The following RIPOR1 variants were observed in gnomAD, a reference collection of about 807,000 sequenced individuals.
The protein encoded by RIPOR1 is rho family-interacting cell polarization regulator 1.
Under a neutral mutation model 116.5 loss-of-function variants are expected in RIPOR1, and 58 were observed. That is an observed-to-expected ratio of 0.50 (90% CI 0.40 to 0.62). RIPOR1 has a LOEUF of 0.62. Ranked by LOEUF, RIPOR1 falls within the 20% of genes least tolerant of loss-of-function variation. The probability of loss-of-function intolerance (pLI) is 0.00; values close to 1 mark genes in which losing one functional copy is unlikely to be tolerated. For synonymous variants in RIPOR1, 605 were observed against 650.0 expected, an observed-to-expected ratio of 0.93 and a Z score of 1.05; for missense variants, 1,372 against 1,586.2, an observed-to-expected ratio of 0.86 and a Z score of 2.29.
rs2050628379 is a variant in RIPOR1, at chr16:67,530,393, A to G, written c.-24+1479A>G. ...GGCTGTGCCGCTCCCCCTCCCTCCTATACGCTTGGGCAGCTGCGAGATGAC... is the reference window on the plus strand; with the variant it reads ...GGCTGTGCCGCTCCCCCTCCCTCCTGTACGCTTGGGCAGCTGCGAGATGAC... On this transcript the variant is annotated intron_variant, in intron 1 of 21. Coordinates refer to ENST00000042381, the MANE Select transcript of RIPOR1 (RefSeq NM_024519.4). This position sits in a 1 kb window ranked among gnomAD's most constrained non-coding sequence, Gnocchi z 4.5. Among the ~76,000 whole-genome samples the G allele has an allele frequency of 1.3e-5, 2 of 152,074 alleles. No individual in the cohort carries two copies. The highest frequency in any genetic ancestry group is 2.4e-5 in the African/African-American group (1 of 41,412).
At chr16:67,535,195 A>G (rs917600125) in intron 1 of RIPOR1, among the ~76,000 whole-genome samples, 3 of 152,104 alleles carry the variant, frequency 2.0e-5, no homozygotes, top group Non-Finnish European at 2.9e-5. Flanking sequence ...ACTTGTGGAG[A>G]AAGTCTGAAA....
chr16:67,525,113 C>T (rs2050528806), upstream of RIPOR1, among the ~76,000 whole-genome samples: 1 of 152,256 alleles, frequency 6.6e-6, no homozygotes, highest in African/African-American at 2.4e-5. Context: ...CCAGGACCTA[C>T]CCACTGTCTG....
chr16:67,537,581 G>A lies in RIPOR1; in HGVS notation c.-23-843G>A. The A allele has an allele frequency of 1.4e-6, 2 of 1,421,314 alleles. No homozygotes were observed. The highest frequency in any genetic ancestry group is 2.9e-5 in the South Asian group (2 of 68,934). 88.0% of individuals were successfully genotyped at this position (1,421,314 alleles called of 1,614,324 possible). A position where few individuals can be genotyped will look rare whatever the true frequency, so the allele number is the denominator to read the frequency against. Reference sequence around the variant, plus strand: ...TCGGGGGCCGTCCCGGACCCACCATGAACACCAAGAAGAGAGGTAGGACCC... The same window carrying A: ...TCGGGGGCCGTCCCGGACCCACCATAAACACCAAGAAGAGAGGTAGGACCC... On this transcript the variant is annotated intron_variant, in intron 1 of 21. Transcript: ENST00000042381. This position sits in a 1 kb window ranked among gnomAD's most constrained non-coding sequence, Gnocchi z 4.6.
chr16:67,520,557 C>G (rs2050487231), intron 1 of RIPOR1, among the ~76,000 whole-genome samples: 4 of 152,030 alleles, frequency 2.6e-5, no homozygotes, highest in African/African-American at 9.6e-5. Flanking sequence ...AATCCTAGCA[C>G]TTTGGGAGGC....
rs2142535369 is a variant in RIPOR1, at chr16:67,540,118, C to T, written c.480C>T (p.Val160=). ...TCCGGGATGGTGCCTACAACATGGTCCGTGCCTACACCACTGGGTCCCCGG... is the reference window on the plus strand; with the variant it reads ...TCCGGGATGGTGCCTACAACATGGTTCGTGCCTACACCACTGGGTCCCCGG... ...RRLRDGAYNM[V]RAYTTGSPGS... is the part of the protein sequence containing the mutation. The change falls in exon 7 of 22, where the codon GTC becomes GTT. Residue 160 remains valine (V), a synonymous_variant. Coordinates refer to ENST00000042381, the MANE Select transcript of RIPOR1 (RefSeq NM_024519.4). This position sits in a 1 kb window ranked among gnomAD's most constrained non-coding sequence, Gnocchi z 4.7. 6.2e-7 allele frequency: 1 copy of T among 1,614,216 alleles called. No individual in the cohort carries two copies. The highest frequency in any genetic ancestry group is 8.5e-7 in the Non-Finnish European group (1 of 1,180,028).
intron 1 of RIPOR1, among the ~76,000 whole-genome samples, chr16:67,536,531 T>C (rs1245575238): frequency 6.6e-6 from 1 of 152,004 alleles, no homozygotes; most frequent in Non-Finnish European, 1.5e-5. Flanking sequence ...GGCATTAGCC[T>C]AGGATGCAGC....
chr16:67,542,517 C>T lies in RIPOR1; in HGVS notation c.1731C>T (p.Pro577=), dbSNP rs1470978521. ...THTTTGSTHK[P]IISTLTTTGP... ...CTACTACAGGCTCCACCCACAAGCC[C>T]ATAATCTCTACCCTTACTACTACAG... The change falls in exon 13 of 22, where the codon CCC becomes CCT. Residue 577 remains proline (P), a synonymous_variant. Transcript: ENST00000042381. The surrounding 1 kb of genome is among the most constrained non-coding windows in gnomAD (Gnocchi z 4.6). 1.9e-6 allele frequency: 3 copies of T among 1,613,908 alleles called. No individual in the cohort carries two copies. Among genetic ancestry groups the T allele is most frequent in the South Asian group, 2.2e-5 (2 of 91,078 alleles).
Position 67,541,029 on chromosome 16 carries a change from G to A in RIPOR1, c.801+325G>A, listed in dbSNP as rs1020191907. Among the ~76,000 whole-genome samples the A allele has an allele frequency of 6.6e-6, 1 of 152,038 alleles. No homozygotes were observed. The highest frequency in any genetic ancestry group is 1.5e-5 in the Non-Finnish European group (1 of 68,012). ...TCTGTGATTCCCATGCTCCCAGGCT[G>A]CTTCAAGCATCCATGGCTCCATGAG... On this transcript the variant is annotated intron_variant, in intron 10 of 21. Transcript: ENST00000042381. The surrounding 1 kb of genome is among the most constrained non-coding windows in gnomAD (Gnocchi z 4.6).
chr16:67,541,391 C>T lies in RIPOR1; in HGVS notation c.802-39C>T. On this transcript the variant is annotated intron_variant, in intron 10 of 21. Coordinates refer to ENST00000042381, the MANE Select transcript of RIPOR1 (RefSeq NM_024519.4). The surrounding 1 kb of genome is among the most constrained non-coding windows in gnomAD (Gnocchi z 4.6). ...CAGATTTCCCATGATCTCATAGCCC[C>T]TGCACCCTTGTGACCCTACCATGCA... 1 of 1,598,190 alleles carries T rather than the reference C, an allele frequency of 6.3e-7. No homozygotes were observed. The highest frequency in any genetic ancestry group is 8.5e-7 in the Non-Finnish European group (1 of 1,170,640).
Position 67,540,149 on chromosome 16 carries a change from C to T in RIPOR1, c.511C>T (p.Arg171Ter). ...CTACACCACTGGGTCCCCGGGAAGC[C>T]GAGAGGCCCGGGACAGCCTGGCAGA... is the stretch of plus-strand genomic sequence containing the variant. ...RAYTTGSPGSREARDSLAEAT... is the reference protein window; with the variant it reads ...RAYTTGSPGS The change falls in exon 7 of 22, where the codon CGA (arginine) becomes TGA (stop). Residue 171 changes from arginine (R) to a stop codon, truncating the protein, a stop_gained. Coordinates refer to ENST00000042381, the MANE Select transcript of RIPOR1 (RefSeq NM_024519.4). LOFTEE classifies it high-confidence loss of function. The surrounding 1 kb of genome is among the most constrained non-coding windows in gnomAD (Gnocchi z 4.7). 3.1e-6 allele frequency: 5 copies of T among 1,614,168 alleles called. No homozygotes were observed. The highest frequency in any genetic ancestry group is 1.1e-5 in the South Asian group (1 of 91,082).
chr16:67,539,724 G>A lies in RIPOR1; in HGVS notation c.337-4G>A, dbSNP rs762233731. ...ATATTTGCCCCTTCTCCCCACCCCT[G>A]CAGGGCTTCCTGTATGATCTGGACA... is the stretch of plus-strand genomic sequence containing the variant. On this transcript the variant is annotated splice_region_variant and splice_polypyrimidine_tract_variant and intron_variant, in intron 4 of 21. Coordinates refer to ENST00000042381, the MANE Select transcript of RIPOR1 (RefSeq NM_024519.4). 3.1e-6 allele frequency: 5 copies of A among 1,614,080 alleles called. No homozygotes were observed. Among genetic ancestry groups the A allele is most frequent in the Non-Finnish European group, 4.2e-6 (5 of 1,179,976 alleles).
Position 67,528,910 on chromosome 16 carries a change from G to T in RIPOR1, c.-28G>T. 5.1e-6 allele frequency: 1 copy of T among 197,676 alleles called. No individual in the cohort carries two copies. Among genetic ancestry groups the T allele is most frequent in the Non-Finnish European group, 1.1e-5 (1 of 91,990 alleles). 12.2% of individuals were successfully genotyped at this position (197,676 alleles called of 1,614,324 possible). On this transcript the variant is annotated 5_prime_UTR_variant, in exon 1 of 22. Coordinates refer to ENST00000042381, the MANE Select transcript of RIPOR1 (RefSeq NM_024519.4). The stretch of plus-strand genomic sequence containing the variant: ...CGCGAGGTCCGCGCAGCCCAGCGCA[G>T]CCATGTGAGTGTCCCGCGCCGTTTC...
At chr16:67,532,330 G>C (rs2050682588) in intron 1 of RIPOR1, among the ~76,000 whole-genome samples, 1 of 152,200 alleles carries the variant, frequency 6.6e-6, no homozygotes, top group African/African-American at 2.4e-5. Flanking sequence ...CTTGAGCCCA[G>C]GAGTTCAAGG....
At chr16:67,527,166 G>A (rs745604833), upstream of RIPOR1, among the ~76,000 whole-genome samples, 15 of 152,214 alleles carry the variant, frequency 9.9e-5, no homozygotes, top group Non-Finnish European at 2.1e-4. Context: ...GCTCATGCCT[G>A]TAATCCCAGC....
At position 67,535,257 on chromosome 16, in the gene RIPOR1, G is replaced by A. The variant is rs1383960512; in HGVS notation, c.-23-3167G>A. Among the ~76,000 whole-genome samples the A allele has an allele frequency of 3.9e-5, 6 of 152,194 alleles. No individual in the cohort carries two copies. In the East Asian group the frequency reaches 1.2e-3, roughly 29 times the overall value. On this transcript the variant is annotated intron_variant, in intron 1 of 21. Coordinates refer to ENST00000042381, the MANE Select transcript of RIPOR1 (RefSeq NM_024519.4). ...GGTCACACTTGAGGATTTGCCAGGT[G>A]GGCAGTGAGGGCCTGGCCAAGGTTG...
intron 2 of RIPOR1, 35 bp downstream of exon 2, chr16:67,538,585 G>A: frequency 6.2e-7 from 1 of 1,609,326 alleles, no homozygotes; most frequent in Non-Finnish European, 8.5e-7. Flanking sequence ...GGGTCAAAGG[G>A]CGTCAGATGG....
At position 67,540,835 on chromosome 16, in the gene RIPOR1, C is replaced by T; in HGVS notation, c.801+131C>T. 1.0e-6 allele frequency: 1 copy of T among 990,220 alleles called. No homozygotes were observed. Among genetic ancestry groups the T allele is most frequent in the Non-Finnish European group, 1.5e-6 (1 of 661,204 alleles). 61.3% of individuals were successfully genotyped at this position (990,220 alleles called of 1,614,324 possible). ...CCCTGTGAAGATATGATTCCATGACCTTCATGATCTCTGTGGCCCTGAGAG... is the reference window on the plus strand; with the variant it reads ...CCCTGTGAAGATATGATTCCATGACTTTCATGATCTCTGTGGCCCTGAGAG... On this transcript the variant is annotated intron_variant, in intron 10 of 21. Coordinates refer to ENST00000042381, the MANE Select transcript of RIPOR1 (RefSeq NM_024519.4). This position sits in a 1 kb window ranked among gnomAD's most constrained non-coding sequence, Gnocchi z 4.7.
At position 67,540,286 on chromosome 16, in the gene RIPOR1, CCCCT is replaced by C. The variant is rs1351572527; in HGVS notation, c.568-6_568-3del. On this transcript the variant is annotated splice_polypyrimidine_tract_variant and intron_variant, in intron 7 of 21. Transcript: ENST00000042381. This position sits in a 1 kb window ranked among gnomAD's most constrained non-coding sequence, Gnocchi z 4.7. ...GGCCCTTGACCCCCTCCTGTCCCTG[CCCCT>C]CCCTCCCAGAGCATGTGTCTGCTGG... 1 of 1,613,836 alleles carries C rather than the reference CCCCT, an allele frequency of 6.2e-7. No individual in the cohort carries two copies. The highest frequency in any genetic ancestry group is 8.5e-7 in the Non-Finnish European group (1 of 1,179,942).
intron 4 of RIPOR1, 147 bp downstream of exon 4, chr16:67,539,215 T>G (rs1000873662): frequency 1.3e-5 from 9 of 679,920 alleles, no homozygotes; most frequent in East Asian, 2.8e-5. Flanking sequence ...GCTGAGGGGC[T>G]TTTCTATCCC....
Sources: allele counts gnomAD v4.1 joint callset (sites outside exome capture counted in the v4.1 genomes callset), GRCh38; gene constraint gnomAD v4.1.1; non-coding constraint Gnocchi (gnomAD v3.1); transcripts MANE v1.5; gene names NCBI Gene and HGNC (gene_info 2026-07-23, HGNC 2026-07-21).